Variants in USP50 observed in about 807,000 individuals in gnomAD.
USP50 encodes ubiquitin specific peptidase 50, also known as ubiquitin carboxyl-terminal hydrolase 50.
A neutral mutation model predicts 39.2 loss-of-function variants in USP50; 37 were observed. That is an observed-to-expected ratio of 0.94 (90% CI 0.73 to 1.24). The LOEUF is 1.24. Ranked by LOEUF, USP50 falls within the 50% of genes most tolerant of loss-of-function variation. USP50 has a pLI of 0.00. For missense variants in USP50, 374 were observed against 398.2 expected, an observed-to-expected ratio of 0.94 and a Z score of 0.52; for synonymous variants, 139 against 144.5, an observed-to-expected ratio of 0.96 and a Z score of 0.27.
chr15:50,520,247 T>C (rs1293486844), intron 6 of USP50, among the ~76,000 whole-genome samples: 3 of 151,584 alleles, frequency 2.0e-5, no homozygotes, highest in Non-Finnish European at 4.4e-5. Context: ...AATTTGCGGT[T>C]GTAATGGAGC....
chr15:50,537,412 C>T (rs2052988067), intron 5 of USP50, among the ~76,000 whole-genome samples: 1 of 151,834 alleles, frequency 6.6e-6, no homozygotes, highest in Non-Finnish European at 1.5e-5. Context: ...TTAGCTACAA[C>T]ACGAAAGGCC....
At position 50,538,789 on chromosome 15, in the gene USP50, G is replaced by C; in HGVS notation, c.723C>G (p.Ser241=). The C allele has an allele frequency of 6.2e-7, 1 of 1,613,666 alleles. No homozygotes were observed. The highest frequency in any genetic ancestry group is 8.5e-7 in the Non-Finnish European group (1 of 1,179,770). ...ALTWNNEIHC[S]FCETKQETAV... ...CAGTTTCTTGCTTGGTTTCACAAAAGGAGCAGTGAATTTCGTTGTTCCAGG... is the reference window on the plus strand; with the variant it reads ...CAGTTTCTTGCTTGGTTTCACAAAACGAGCAGTGAATTTCGTTGTTCCAGG... The change falls in exon 5 of 7, where the codon TCC becomes TCG. Residue 241 remains serine (S), a synonymous_variant. Transcript: ENST00000532404.
intron 6 of USP50, among the ~76,000 whole-genome samples, chr15:50,514,994 T>TAAAAA: frequency 2.7e-5 from 2 of 74,624 alleles, no homozygotes; most frequent in Non-Finnish European, 5.0e-5. Flanking sequence ...AGACACAGTC[T>TAAAAA]AAAAAAAAAA....
At chr15:50,504,873 T>C (rs1034496534) in intron 6 of USP50, 8 of 152,064 alleles carry the variant, frequency 5.3e-5, no homozygotes, top group African/African-American at 1.5e-4. Flanking sequence ...TCCCAGCTAC[T>C]TGAGAGGCTG....
intron 6 of USP50, among the ~76,000 whole-genome samples, chr15:50,516,176 GA>G (rs1197478302): frequency 6.6e-6 from 1 of 152,046 alleles, no homozygotes; most frequent in Non-Finnish European, 1.5e-5. Flanking sequence ...TACCACCACA[GA>G]AAACCATCAA....
At chr15:50,510,853 T>C (rs977877630) in intron 6 of USP50, 1 of 152,150 alleles carries the variant, frequency 6.6e-6, no homozygotes, top group Non-Finnish European at 1.5e-5. Flanking sequence ...CTCGGCTCAC[T>C]GCAAGCTCCG....
chr15:50,517,491 G>T (rs1342383429), intron 6 of USP50, among the ~76,000 whole-genome samples: 1 of 151,516 alleles, frequency 6.6e-6, no homozygotes, highest in Admixed American at 6.6e-5. Context: ...AAAAATAAGA[G>T]GATTGAAATC....
downstream of USP50, chr15:50,497,136 C>T (rs761699067): frequency 3.7e-6 from 6 of 1,608,240 alleles, no homozygotes; most frequent in African/African-American, 8.1e-5. Flanking sequence ...CAGATAACAA[C>T]AGATTTTACT....
chr15:50,524,325 G>A (rs527956299), intron 6 of USP50, among the ~76,000 whole-genome samples: 1 of 152,292 alleles, frequency 6.6e-6, no homozygotes, highest in African/African-American at 2.4e-5. Flanking sequence ...AATTAACAAA[G>A]GGAAGAGATA....
intron 6 of USP50, among the ~76,000 whole-genome samples, chr15:50,527,663 C>T (rs866442014): frequency 2.0e-5 from 3 of 149,942 alleles, no homozygotes; most frequent in Non-Finnish European, 3.0e-5. Flanking sequence ...TTTTTGAGAC[C>T]GAGTCTCACT....
intron 6 of USP50, among the ~76,000 whole-genome samples, chr15:50,521,399 C>G (rs1027784108): frequency 6.6e-6 from 1 of 152,072 alleles, no homozygotes; most frequent in Admixed American, 6.6e-5. Flanking sequence ...ACCACATGTA[C>G]CTTGTATGTA....
Position 50,500,579 on chromosome 15 carries a change from A to G in USP50, c.*190T>C. 1.8e-6 allele frequency: 1 copy of G among 543,268 alleles called. No homozygotes were observed. Among genetic ancestry groups the G allele is most frequent in the Non-Finnish European group, 3.3e-6 (1 of 301,950 alleles). 33.7% of individuals were successfully genotyped at this position (543,268 alleles called of 1,614,324 possible). On this transcript the variant is annotated 3_prime_UTR_variant, in exon 7 of 7. Coordinates refer to ENST00000532404, the MANE Select transcript of USP50 (RefSeq NM_203494.5). Reference sequence around the variant, plus strand: ...GATGCAAGTAAGTTCTAAGAGTTTAATGACCAAGCAAAACTCTACCACCAG... The same window carrying G: ...GATGCAAGTAAGTTCTAAGAGTTTAGTGACCAAGCAAAACTCTACCACCAG...
At chr15:50,497,062 T>G (rs1179021807), downstream of USP50, 1 of 1,582,220 alleles carries the variant, frequency 6.3e-7, no homozygotes, top group Non-Finnish European at 8.6e-7. Flanking sequence ...AATTAACGAG[T>G]ATCTGCTACT....
chr15:50,528,981 C>T (rs902726233), intron 6 of USP50, among the ~76,000 whole-genome samples: 3 of 152,092 alleles, frequency 2.0e-5, no homozygotes, highest in Non-Finnish European at 4.4e-5. Flanking sequence ...AGAACAGAAA[C>T]CCACAGAATG....
downstream of USP50, chr15:50,496,944 C>G (rs765695759): frequency 6.8e-5 from 70 of 1,023,784 alleles, no homozygotes; most frequent in Non-Finnish European, 9.4e-5. Context: ...CTCACTAGAT[C>G]ACAAGCTTTG....
chr15:50,517,472 C>CA (rs55860665), intron 6 of USP50, among the ~76,000 whole-genome samples: 3,234 of 141,002 alleles, frequency 0.023, 100 homozygotes, highest in African/African-American at 0.077. Context: ...AACTCCATCT[C>CA]AAAAAAAAAA....
intron 2 of USP50, among the ~76,000 whole-genome samples, 170 bp downstream of exon 2, chr15:50,544,417 C>G (rs539198452): frequency 6.6e-6 from 1 of 151,810 alleles, no homozygotes; most frequent in Non-Finnish European, 1.5e-5. Flanking sequence ...GCATTCATTT[C>G]TTGGTTGCCC....
rs894132907 is a variant in USP50, at chr15:50,500,651, G to T, written c.*118C>A. On this transcript the variant is annotated 3_prime_UTR_variant, in exon 7 of 7. Transcript: ENST00000532404. ...GTGTTCAGGAAACACCATTTTCCTGGCTCTTAACGCTTTTGTATTGGTATG... is the reference window on the plus strand; with the variant it reads ...GTGTTCAGGAAACACCATTTTCCTGTCTCTTAACGCTTTTGTATTGGTATG... 8 of 945,936 alleles carry T rather than the reference G, an allele frequency of 8.5e-6. No homozygotes were observed. The East Asian group carries it at 2.2e-4, about 25-fold the overall frequency. The allele number at this position is 945,936 out of a possible 1,614,324, so 58.6% of individuals were successfully genotyped here. A position where few individuals can be genotyped will look rare whatever the true frequency, so the allele number is the denominator to read the frequency against.
chr15:50,546,624 T>C lies in USP50; in HGVS notation c.-99A>G, dbSNP rs2053073227. 1 of 1,341,662 alleles carries C rather than the reference T, an allele frequency of 7.5e-7. No homozygotes were observed. Among genetic ancestry groups the C allele is most frequent in the East Asian group, 2.3e-5 (1 of 42,838 alleles). The allele number at this position is 1,341,662 out of a possible 1,614,324, so 83.1% of individuals were successfully genotyped here. A position where few individuals can be genotyped will look rare whatever the true frequency, so the allele number is the denominator to read the frequency against. ...GCCTGTTAACGCTGGCTTTTTGTTTTAAACAATTGATATGCTCCTCTCTCT... is the reference window on the plus strand; with the variant it reads ...GCCTGTTAACGCTGGCTTTTTGTTTCAAACAATTGATATGCTCCTCTCTCT... On this transcript the variant is annotated 5_prime_UTR_variant, in exon 1 of 7. Transcript: ENST00000532404.
Sources: gnomAD v4.1 joint callset for allele counts (sites outside exome capture counted in the v4.1 genomes callset) on GRCh38, gnomAD v4.1.1 for gene constraint, MANE v1.5 for transcripts, NCBI Gene and HGNC (gene_info 2026-07-23, HGNC 2026-07-21) for gene names.